Variants in FHOD3 observed in about 807,000 individuals in gnomAD.
FHOD3 encodes the protein FH1/FH2 domain-containing protein 3.
Under a neutral mutation model 173.0 loss-of-function variants are expected in FHOD3, and 90 were observed. The ratio of observed to expected loss-of-function variants is 0.52; its 90% CI spans 0.44 to 0.62. FHOD3 has a LOEUF of 0.62. Among genes scored for constraint, FHOD3 ranks in the 20% least tolerant of loss-of-function variants. The probability of loss-of-function intolerance (pLI) is 0.00; values close to 1 mark genes in which losing one functional copy is unlikely to be tolerated. For missense variants in FHOD3, 1,945 were observed against 2,034.7 expected (o/e 0.96, Z 0.85); for synonymous variants, 828 against 823.0 (o/e 1.01, Z -0.10).
intron 14 of FHOD3, among the ~76,000 whole-genome samples, chr18:36,673,333 T>C (rs138292394): frequency 1.2e-3 from 186 of 152,346 alleles, no homozygotes; most frequent in African/African-American, 4.1e-3. Context: ...AAATGAACTG[T>C]TTATTTCCGA....
intron 9 of FHOD3, among the ~76,000 whole-genome samples, chr18:36,620,978 T>C (rs1045739622): frequency 6.6e-6 from 1 of 152,150 alleles, no homozygotes; most frequent in Non-Finnish European, 1.5e-5. Context: ...TTCTTCCTAA[T>C]AGAGAAGGAC....
chr18:36,582,847 C>T (rs4799869), intron 6 of FHOD3, among the ~76,000 whole-genome samples: 46,981 of 152,114 alleles, frequency 0.31, 7,750 homozygotes, highest in East Asian at 0.39. Context: ...CGGTAATCCA[C>T]TAAGCCTTCC....
chr18:36,513,828 C>T (rs1172328998), intron 5 of FHOD3, among the ~76,000 whole-genome samples: 1 of 151,674 alleles, frequency 6.6e-6, no homozygotes, highest in African/African-American at 2.4e-5. Context: ...TTTTGATAAA[C>T]GGCAAATGTG....
intron 10 of FHOD3, among the ~76,000 whole-genome samples, chr18:36,630,552 A>C (rs1001807271): frequency 1.3e-5 from 2 of 152,212 alleles, no homozygotes; most frequent in Non-Finnish European, 2.9e-5. Flanking sequence ...AAAAATTGAC[A>C]TAATGGAATG....
chr18:36,672,980 G>A (rs1007728657), intron 14 of FHOD3, among the ~76,000 whole-genome samples: 1 of 151,888 alleles, frequency 6.6e-6, no homozygotes, highest in African/African-American at 2.4e-5. Flanking sequence ...TCTCCTATTT[G>A]TCTTAGCCTT....
chr18:36,442,444 A>G (rs1269353407), intron 3 of FHOD3, among the ~76,000 whole-genome samples: 1 of 152,174 alleles, frequency 6.6e-6, no homozygotes, highest in Non-Finnish European at 1.5e-5. Context: ...GGCCTTTAAG[A>G]TATTGGCATT....
intron 11 of FHOD3, among the ~76,000 whole-genome samples, chr18:36,650,147 A>G (rs1012402486): frequency 6.6e-6 from 1 of 152,194 alleles, no homozygotes; most frequent in Admixed American, 6.5e-5. Context: ...TTCAGAAATA[A>G]TTCTAAAATT....
chr18:36,340,332 A>T (rs1328407349), intron 1 of FHOD3, among the ~76,000 whole-genome samples: 4 of 152,232 alleles, frequency 2.6e-5, no homozygotes, highest in Non-Finnish European at 2.9e-5. Context: ...GGATAATAAT[A>T]AATAAGCAGG....
At chr18:36,445,982 G>A (rs12608384) in intron 3 of FHOD3, among the ~76,000 whole-genome samples, 38,249 of 152,112 alleles carry the variant, frequency 0.25, 5,812 homozygotes, top group East Asian at 0.56. Context: ...ATCCAAATCA[G>A]TAGGGCTTCC....
chr18:36,626,018 C>T (rs1469315770), intron 10 of FHOD3, among the ~76,000 whole-genome samples: 1 of 152,164 alleles, frequency 6.6e-6, no homozygotes, highest in Non-Finnish European at 1.5e-5. Context: ...TTTACTATCT[C>T]AGTTAATATC....
At chr18:36,666,844 C>A (rs907100153) in intron 14 of FHOD3, among the ~76,000 whole-genome samples, 19 of 152,124 alleles carry the variant, frequency 1.2e-4, no homozygotes, top group African/African-American at 3.9e-4. Context: ...AACAGTGAAA[C>A]CCTGACCACA....
intron 2 of FHOD3, among the ~76,000 whole-genome samples, chr18:36,363,939 G>A (rs1027199012): frequency 1.5e-4 from 22 of 151,352 alleles, no homozygotes; most frequent in African/African-American, 5.3e-4. Flanking sequence ...TACTTTCTAT[G>A]AAATTTTTCT....
intron 1 of FHOD3, among the ~76,000 whole-genome samples, chr18:36,331,851 G>A (rs1481798648): frequency 6.6e-6 from 1 of 152,148 alleles, no homozygotes; most frequent in East Asian, 1.9e-4. Flanking sequence ...CGGATAGGAG[G>A]ACCATGGGAG....
At chr18:36,302,443 G>C (rs2091978928) in intron 1 of FHOD3, among the ~76,000 whole-genome samples, 1 of 152,142 alleles carries the variant, frequency 6.6e-6, no homozygotes, top group Admixed American at 6.5e-5. Flanking sequence ...AGATGGCCTG[G>C]TGATTTTTGT....
At chr18:36,770,682 T>C (rs1329892631) in intron 28 of FHOD3, among the ~76,000 whole-genome samples, 1 of 152,196 alleles carries the variant, frequency 6.6e-6, no homozygotes, top group Non-Finnish European at 1.5e-5. Flanking sequence ...TTAATGCTTC[T>C]GGCCCTTGGT....
At chr18:36,570,787 TAGA>T (rs1949072734) in intron 5 of FHOD3, among the ~76,000 whole-genome samples, 1 of 152,156 alleles carries the variant, frequency 6.6e-6, no homozygotes, top group Admixed American at 6.5e-5. Context: ...TCAGTTGATG[TAGA>T]AGAAGCATTT....
intron 14 of FHOD3, among the ~76,000 whole-genome samples, chr18:36,673,870 A>G (rs975234286): frequency 1.3e-5 from 2 of 152,082 alleles, no homozygotes; most frequent in African/African-American, 4.8e-5. Flanking sequence ...TTTAACACAT[A>G]TATGAGGGAT....
chr18:36,508,143 G>A (rs529741955), intron 4 of FHOD3, among the ~76,000 whole-genome samples: 1 of 152,254 alleles, frequency 6.6e-6, no homozygotes, highest in East Asian at 1.9e-4. Flanking sequence ...GTGTGTGTGC[G>A]AGAGATTCTA....
intron 25 of FHOD3, among the ~76,000 whole-genome samples, chr18:36,756,006 G>C (rs551290130): frequency 6.6e-6 from 1 of 152,282 alleles, no homozygotes; most frequent in South Asian, 2.1e-4. Flanking sequence ...TAGGTCTTGG[G>C]GGGCAGTGGA....
Sources: allele counts gnomAD v4.1 joint callset (sites outside exome capture counted in the v4.1 genomes callset), GRCh38; gene constraint gnomAD v4.1.1; transcripts MANE v1.5; gene names NCBI Gene and HGNC (gene_info 2026-07-23, HGNC 2026-07-21).